Variants in CD48 observed in about 807,000 individuals in gnomAD.
CD48 encodes CD48 antigen.
Under a neutral mutation model 22.0 loss-of-function variants are expected in CD48, and 20 were observed. That is an observed-to-expected ratio of 0.91 (90% CI 0.64 to 1.32). CD48 has a LOEUF of 1.32. Among genes scored for constraint, CD48 ranks in the 40% most tolerant of loss-of-function variants. CD48 has a pLI of 0.00. For missense variants in CD48, 307 were observed against 286.5 expected (o/e 1.07, Z -0.52); for synonymous variants, 110 against 110.1 (o/e 1.00, Z 0.01).
intron 1 of CD48, among the ~76,000 whole-genome samples, chr1:160,707,447 C>A (rs116929350): frequency 6.6e-6 from 1 of 152,122 alleles, no homozygotes; most frequent in East Asian, 1.9e-4. Context: ...TAGTGGGACT[C>A]AGAGCAGAGT....
chr1:160,688,381 T>C (rs1176860736), intron 1 of CD48, among the ~76,000 whole-genome samples: 1 of 152,334 alleles, frequency 6.6e-6, no homozygotes, highest in South Asian at 2.1e-4. Flanking sequence ...GGAATCCAGA[T>C]TCCTTCTCAA....
chr1:160,680,823 A>G (rs36100172), intron 3 of CD48: 225,758 of 1,209,690 alleles, frequency 0.19, 21,535 homozygotes, highest in African/African-American at 0.22. Context: ...TGTCTAATGA[A>G]GCCCCTCTAG....
At chr1:160,692,180 C>G (rs1019592591) in intron 1 of CD48, 7 of 152,020 alleles carry the variant, frequency 4.6e-5, no homozygotes, top group African/African-American at 1.7e-4. Context: ...CCATTTCAAA[C>G]AGAAGATAGC....
intron 3 of CD48, among the ~76,000 whole-genome samples, chr1:160,679,656 T>C (rs970884651): frequency 2.0e-5 from 3 of 150,878 alleles, no homozygotes; most frequent in African/African-American, 7.3e-5. Flanking sequence ...CTGGAGAAAA[T>C]AAAAAAAAGG....
At chr1:160,681,084 A>G (rs745492862) in intron 3 of CD48, 118 bp downstream of exon 3, 2 of 1,555,336 alleles carry the variant, frequency 1.3e-6, no homozygotes, top group South Asian at 2.3e-5. Flanking sequence ...TCTCCCAGAC[A>G]CCTTAGGGAT....
intron 1 of CD48, among the ~76,000 whole-genome samples, chr1:160,706,925 G>A (rs1225670783): frequency 6.6e-6 from 1 of 152,136 alleles, no homozygotes; most frequent in Non-Finnish European, 1.5e-5. Flanking sequence ...GGCTTCTTTG[G>A]TTTCCTCATA....
At chr1:160,680,079 A>T (rs1661738713) in intron 3 of CD48, among the ~76,000 whole-genome samples, 1 of 152,200 alleles carries the variant, frequency 6.6e-6, no homozygotes, top group Non-Finnish European at 1.5e-5. Context: ...CAGTGCAGTT[A>T]AGGAGGGTAG....
intron 2 of CD48, among the ~76,000 whole-genome samples, chr1:160,682,555 G>A (rs573029445): frequency 6.6e-6 from 1 of 150,446 alleles, no homozygotes; most frequent in African/African-American, 2.4e-5. Context: ...AGGGAGGGAG[G>A]CAAGTAGACA....
chr1:160,678,928 T>C lies in CD48; in HGVS notation c.*124A>G. ...TATTTAAAAGTTAACTTGAAAATCC[T>C]CGTTGATAATTCAGCAGCATGCTTC... On this transcript the variant is annotated 3_prime_UTR_variant, in exon 4 of 4. Coordinates refer to ENST00000368046, the MANE Select transcript of CD48 (RefSeq NM_001778.4). 1 of 685,116 alleles carries C rather than the reference T, an allele frequency of 1.5e-6. No individual in the cohort carries two copies. 42.4% of individuals were successfully genotyped at this position (685,116 alleles called of 1,614,324 possible). A position where few individuals can be genotyped will look rare whatever the true frequency, so the allele number is the denominator to read the frequency against.
intron 2 of CD48, among the ~76,000 whole-genome samples, chr1:160,683,260 G>A (rs1232321434): frequency 6.6e-6 from 1 of 152,192 alleles, no homozygotes. Flanking sequence ...AGCCAGCTTG[G>A]GTTGTCCAGC....
Position 160,694,618 on chromosome 1 carries a change from A to C in CD48, c.83-9429T>G, listed in dbSNP as rs192586121. ...CGGAAATCACCATGACCGCTACATT[A>C]TATAGCCCCATGAGTCAAAAAATCA... is the stretch of plus-strand genomic sequence containing the variant. On this transcript the variant is annotated intron_variant, in intron 1 of 3. Coordinates refer to ENST00000368046, the MANE Select transcript of CD48 (RefSeq NM_001778.4). Among the ~76,000 whole-genome samples the C allele has an allele frequency of 3.6e-3, 541 of 152,248 alleles. 13 individuals carry two copies. Among genetic ancestry groups the C allele is most frequent in the Non-Finnish European group, 2.2e-3 (148 of 68,016 alleles).
chr1:160,686,842 G>A (rs1571053136), intron 1 of CD48: 3 of 150,424 alleles, frequency 2.0e-5, no homozygotes, highest in African/African-American at 7.3e-5. Context: ...GAGGAGGCAG[G>A]GCGAGATCAC....
chr1:160,684,823 G>A (rs1363747620), intron 2 of CD48, 64 bp downstream of exon 2: 2 of 1,613,940 alleles, frequency 1.2e-6, no homozygotes, highest in East Asian at 2.2e-5. Context: ...CTCCCAGGAA[G>A]CCCTACAGTG....
chr1:160,681,182 C>CTCCCAGGGATCCTTCTT lies in CD48; in HGVS notation c.652+3_652+19dup, dbSNP rs759407762. 3.1e-6 allele frequency: 5 copies of CTCCCAGGGATCCTTCTT among 1,614,000 alleles called. No homozygotes were observed. The African/African-American group carries it at 6.7e-5, about 22-fold the overall frequency. On this transcript the variant is annotated intron_variant, in intron 3 of 3. Transcript: ENST00000368046. Reference sequence around the variant, plus strand: ...TCCAGTTACCCTGTGCCCCCCTCAGCTCCCAGGGATCCTTCTTACCCAGGG... The same window carrying CTCCCAGGGATCCTTCTT: ...TCCAGTTACCCTGTGCCCCCCTCAGCTCCCAGGGATCCTTCTTTCCCAGGGATCCTTCTTACCCAGGG...
At chr1:160,701,581 T>G (rs544210354) in intron 1 of CD48, among the ~76,000 whole-genome samples, 1 of 152,256 alleles carries the variant, frequency 6.6e-6, no homozygotes, top group African/African-American at 2.4e-5. Flanking sequence ...GGAACAAACC[T>G]TATATTTTCC....
At chr1:160,683,509 G>C (rs66994511) in intron 2 of CD48, 1 of 149,622 alleles carries the variant, frequency 6.7e-6, no homozygotes, top group Non-Finnish European at 1.5e-5. Context: ...TAAATGCTAC[G>C]CTTTAGGGCT....
chr1:160,706,617 A>C (rs1412289176), intron 1 of CD48, among the ~76,000 whole-genome samples: 1 of 152,204 alleles, frequency 6.6e-6, no homozygotes, highest in African/African-American at 2.4e-5. Flanking sequence ...TTTTGATTTA[A>C]TTCTAACAGG....
At chr1:160,682,223 G>A (rs1271361510) in intron 2 of CD48, among the ~76,000 whole-genome samples, 3 of 151,870 alleles carry the variant, frequency 2.0e-5, no homozygotes, top group Non-Finnish European at 4.4e-5. Context: ...TGAGGCAGGA[G>A]GATTGCTTGC....
chr1:160,684,680 G>A, intron 2 of CD48: 1 of 1,445,200 alleles, frequency 6.9e-7, no homozygotes, highest in South Asian at 1.4e-5. Flanking sequence ...CAGAAGAGGT[G>A]TTAAATGTCC....
Sources: allele counts gnomAD v4.1 joint callset (sites outside exome capture counted in the v4.1 genomes callset), GRCh38; gene constraint gnomAD v4.1.1; transcripts MANE v1.5; gene names NCBI Gene and HGNC (gene_info 2026-07-23, HGNC 2026-07-21).